Variants in XYLT1 observed in about 807,000 individuals in gnomAD.
The protein encoded by XYLT1 is xylosyltransferase 1.
In XYLT1, 36 loss-of-function variants were observed where a neutral mutation model predicts 91.3. The observed-to-expected ratio is 0.39, with a 90% CI of 0.30 to 0.52. The LOEUF (loss-of-function observed/expected upper bound fraction) is 0.52, where lower values mean the gene tolerates loss of function less well. Among genes scored for constraint, XYLT1 ranks in the 20% least tolerant of loss-of-function variants. The probability of loss-of-function intolerance (pLI) is 0.68; values close to 1 mark genes in which losing one functional copy is unlikely to be tolerated. For synonymous variants in XYLT1, 588 were observed against 532.0 expected (o/e 1.11, Z -1.45); for missense variants, 1,242 against 1,284.5 (o/e 0.97, Z 0.51).
At chr16:17,349,695 T>C (rs1026311144) in intron 2 of XYLT1, among the ~76,000 whole-genome samples, 1 of 150,622 alleles carries the variant, frequency 6.6e-6, no homozygotes, top group African/African-American at 2.5e-5. Flanking sequence ...CCATAAGAGA[T>C]AGTTGTGAAA....
At chr16:17,138,178 G>GAAGT (rs2030823589) in intron 8 of XYLT1, 177 bp downstream of exon 8, 3 of 691,652 alleles carry the variant, frequency 4.3e-6, no homozygotes, top group Non-Finnish European at 7.0e-6. Context: ...GAACATCCCT[G>GAAGT]AAGTAAGTGC....
chr16:17,305,135 A>C (rs73529394), intron 2 of XYLT1, among the ~76,000 whole-genome samples: 2 of 152,140 alleles, frequency 1.3e-5, no homozygotes, highest in Non-Finnish European at 2.9e-5. Flanking sequence ...GAGGTTCAGC[A>C]AAGTGCTGAC....
intron 2 of XYLT1, among the ~76,000 whole-genome samples, chr16:17,273,953 C>A (rs1312597248): frequency 1.3e-5 from 2 of 151,954 alleles, no homozygotes; most frequent in Non-Finnish European, 2.9e-5. Flanking sequence ...GATCTGTCGT[C>A]CAGGCTGGAG....
chr16:17,433,673 C>T (rs1294130345), intron 1 of XYLT1, among the ~76,000 whole-genome samples: 1 of 152,182 alleles, frequency 6.6e-6, no homozygotes, highest in African/African-American at 2.4e-5. Flanking sequence ...CAGAAGGAAC[C>T]CCGCCGAGGA....
chr16:17,220,585 G>A (rs1160739619), intron 3 of XYLT1, among the ~76,000 whole-genome samples: 1 of 152,166 alleles, frequency 6.6e-6, no homozygotes, highest in Non-Finnish European at 1.5e-5. Context: ...CGATTCTCCT[G>A]CCTCAGCCTC....
At chr16:17,118,022 A>G (rs764953651) in intron 10 of XYLT1, 43 bp from the exon 11 acceptor site, 2 of 1,569,850 alleles carry the variant, frequency 1.3e-6, no homozygotes, top group South Asian at 1.2e-5. Flanking sequence ...GGCCTGAACT[A>G]GGGGGCTAGG....
At chr16:17,119,545 C>T (rs1261271553) in intron 10 of XYLT1, among the ~76,000 whole-genome samples, 1 of 152,204 alleles carries the variant, frequency 6.6e-6, no homozygotes, top group African/African-American at 2.4e-5. Context: ...TCTAGCTTCT[C>T]ATTGTTCTTG....
intron 2 of XYLT1, among the ~76,000 whole-genome samples, chr16:17,335,050 C>T (rs2141841683): frequency 6.6e-6 from 1 of 151,982 alleles, no homozygotes; most frequent in African/African-American, 2.4e-5. Flanking sequence ...ATGGCATAAC[C>T]CCATGTCTAC....
intron 10 of XYLT1, among the ~76,000 whole-genome samples, chr16:17,125,618 T>G (rs7200513): frequency 0.89 from 135,704 of 151,986 alleles, 61,346 homozygotes; most frequent in Middle Eastern, 0.97. Context: ...AGTGATCTCC[T>G]TAGAAAAGCC....
At chr16:17,156,503 C>T (rs1176029755) in intron 6 of XYLT1, among the ~76,000 whole-genome samples, 2 of 152,270 alleles carry the variant, frequency 1.3e-5, no homozygotes, top group African/African-American at 2.4e-5. Context: ...CCCAGCCCCA[C>T]TTTGCTCCTG....
chr16:17,465,555 TTG>T (rs1491280261), intron 1 of XYLT1, among the ~76,000 whole-genome samples: 684 of 67,984 alleles, frequency 0.01, 5 homozygotes, highest in African/African-American at 0.044. Context: ...GTGTTTTTTT[TTG>T]GGGGGGGGGG....
chr16:17,221,258 C>T (rs1407553945), intron 3 of XYLT1, among the ~76,000 whole-genome samples: 1 of 152,104 alleles, frequency 6.6e-6, no homozygotes, highest in Non-Finnish European at 1.5e-5. Flanking sequence ...AATGCTAACC[C>T]CAGAAACAAT....
intron 3 of XYLT1, among the ~76,000 whole-genome samples, chr16:17,219,381 T>C (rs2032922189): frequency 6.6e-6 from 1 of 151,474 alleles, no homozygotes; most frequent in Non-Finnish European, 1.5e-5. Context: ...CTGGACCAGA[T>C]GGACATGATA....
intron 2 of XYLT1, among the ~76,000 whole-genome samples, chr16:17,286,782 G>A (rs937836290): frequency 2.6e-5 from 4 of 152,282 alleles, no homozygotes; most frequent in Middle Eastern, 3.4e-3. Context: ...TATAGCCATC[G>A]TTGATTGTGT....
chr16:17,239,379 C>G (rs1382642442), intron 3 of XYLT1, among the ~76,000 whole-genome samples: 1 of 134,746 alleles, frequency 7.4e-6, no homozygotes, highest in Non-Finnish European at 1.7e-5. Flanking sequence ...TCCATTCATC[C>G]CATTCATCCA....
At chr16:17,433,679 G>A (rs1203957210) in intron 1 of XYLT1, among the ~76,000 whole-genome samples, 1 of 152,226 alleles carries the variant, frequency 6.6e-6, no homozygotes. Context: ...GAACCCCGCC[G>A]AGGAGGCTTT....
intron 2 of XYLT1, among the ~76,000 whole-genome samples, chr16:17,335,001 ATTGC>A (rs2034957178): frequency 6.6e-6 from 1 of 152,114 alleles, no homozygotes; most frequent in African/African-American, 2.4e-5. Context: ...AGGTGGGTGG[ATTGC>A]TTGAAGCCAG....
chr16:17,404,605 G>A (rs1010094287), intron 1 of XYLT1, among the ~76,000 whole-genome samples: 1 of 152,172 alleles, frequency 6.6e-6, no homozygotes, highest in Non-Finnish European at 1.5e-5. Flanking sequence ...AGGAAGACAC[G>A]CACCCACTCA....
chr16:17,253,459 G>A (rs1004741685), intron 3 of XYLT1, among the ~76,000 whole-genome samples: 1 of 152,132 alleles, frequency 6.6e-6, no homozygotes, highest in Admixed American at 6.5e-5. Context: ...GCATGACCAG[G>A]AGAAGTGCAG....
Sources: allele counts gnomAD v4.1 joint callset (sites outside exome capture counted in the v4.1 genomes callset), GRCh38; gene constraint gnomAD v4.1.1; transcripts MANE v1.5; gene names NCBI Gene and HGNC (gene_info 2026-07-23, HGNC 2026-07-21).